THAP8: variants seen among roughly 807,000 people sequenced by gnomAD.
THAP8 encodes the protein THAP domain containing 8, also known as THAP domain-containing protein 8.
A neutral mutation model predicts 25.0 loss-of-function variants in THAP8; 24 were observed. The observed-to-expected ratio is 0.96, with a 90% CI of 0.69 to 1.35. THAP8 has a LOEUF of 1.35. Among genes scored for constraint, THAP8 ranks in the 40% most tolerant of loss-of-function variants. THAP8 has a pLI of 0.00. For missense variants in THAP8, 399 were observed against 368.8 expected, an observed-to-expected ratio of 1.08 and a Z score of -0.67; for synonymous variants, 169 against 157.6, an observed-to-expected ratio of 1.07 and a Z score of -0.54.
chr19:36,039,730 G>A lies in THAP8; in HGVS notation c.277-12C>T, dbSNP rs192898190. The A allele has an allele frequency of 6.6e-7, 1 of 1,507,096 alleles. No individual in the cohort carries two copies. The highest frequency in any genetic ancestry group is 8.9e-7 in the Non-Finnish European group (1 of 1,127,956). The allele number at this position is 1,507,096 out of a possible 1,614,324, so 93.4% of individuals were successfully genotyped here. A position where few individuals can be genotyped will look rare whatever the true frequency, so the allele number is the denominator to read the frequency against. ...GTCCTCCGCTGACTCTGGAAGACAA[G>A]GCATGGGGTGCAGGGGTGCCGTGGT... On this transcript the variant is annotated splice_polypyrimidine_tract_variant and intron_variant, in intron 2 of 3. Transcript: ENST00000292894.
chr19:36,051,216 C>T (rs1046926644), intron 1 of THAP8, among the ~76,000 whole-genome samples: 1 of 152,102 alleles, frequency 6.6e-6, no homozygotes, highest in African/African-American at 2.4e-5. Context: ...GCAAAGTCCC[C>T]AGGGCAGCAA....
chr19:36,053,058 CTCTT>C (rs142066701), intron 1 of THAP8, among the ~76,000 whole-genome samples: 5,246 of 152,046 alleles, frequency 0.035, 223 homozygotes, highest in East Asian at 0.25. Flanking sequence ...TCCCATCTCT[CTCTT>C]TAAAAACAAA....
At chr19:36,051,489 G>A (rs1203850419) in intron 1 of THAP8, among the ~76,000 whole-genome samples, 1 of 152,118 alleles carries the variant, frequency 6.6e-6, no homozygotes, top group Non-Finnish European at 1.5e-5. Flanking sequence ...TGGGGGTGAC[G>A]GTGGGAGCAG....
chr19:36,035,308 T>C lies in THAP8; in HGVS notation c.*132A>G, dbSNP rs749860052. The C allele has an allele frequency of 6.0e-5, 73 of 1,221,586 alleles. No individual in the cohort carries two copies. The highest frequency in any genetic ancestry group is 8.0e-5 in the Non-Finnish European group (71 of 893,038). 75.7% of individuals were successfully genotyped at this position (1,221,586 alleles called of 1,614,324 possible). ...CAAGAGATCCCTAGGAGTGGGGTGG[T>C]AGAACCCAGGCCCTTGAGGGAGGCA... is the stretch of plus-strand genomic sequence containing the variant. On this transcript the variant is annotated 3_prime_UTR_variant, in exon 4 of 4. Transcript: ENST00000292894.
intron 1 of THAP8, chr19:36,045,626 G>A (rs1471533419): frequency 7.2e-6 from 3 of 416,706 alleles, no homozygotes; most frequent in Admixed American, 5.4e-5. Context: ...GAGATGGGGA[G>A]ATTATCCTGG....
intron 3 of THAP8, among the ~76,000 whole-genome samples, chr19:36,037,598 G>C (rs1040841198): frequency 1.3e-5 from 2 of 152,086 alleles, no homozygotes; most frequent in Non-Finnish European, 2.9e-5. Context: ...TTTTTCATCT[G>C]GAAGATAGAG....
intron 1 of THAP8, among the ~76,000 whole-genome samples, chr19:36,047,332 T>C (rs1969911677): frequency 6.6e-6 from 1 of 152,232 alleles, no homozygotes; most frequent in African/African-American, 2.4e-5. Flanking sequence ...TGACCAATGA[T>C]GAAAAGGTGC....
chr19:36,042,590 T>C (rs1473310949), intron 1 of THAP8, among the ~76,000 whole-genome samples: 1 of 152,190 alleles, frequency 6.6e-6, no homozygotes, highest in Non-Finnish European at 1.5e-5. Context: ...ATGATCACAT[T>C]ACTGCACTCT....
intron 1 of THAP8, among the ~76,000 whole-genome samples, chr19:36,045,031 G>C (rs1234116125): frequency 6.6e-6 from 1 of 152,080 alleles, no homozygotes; most frequent in African/African-American, 2.4e-5. Flanking sequence ...GCCCCCAAAA[G>C]CTATCCATGT....
At chr19:36,038,568 G>C (rs1161316366) in intron 3 of THAP8, among the ~76,000 whole-genome samples, 1 of 152,108 alleles carries the variant, frequency 6.6e-6, no homozygotes, top group Non-Finnish European at 1.5e-5. Flanking sequence ...TAACCTTGTA[G>C]CAGTCAGGCA....
chr19:36,039,335 A>C lies in THAP8; in HGVS notation c.660T>G (p.Gly220=). ...GESLLARARR[G]LQRLTTAQTL... ...GGGTGCCACTCACCAGGCGCTGCAG[A>C]CCCCGGCGTGCCCGTGCCAGCAGGC... Residue 220 remains glycine (G), a synonymous_variant, in exon 3 of 4, where the codon GGT becomes GGG. Coordinates refer to ENST00000292894, the MANE Select transcript of THAP8 (RefSeq NM_152658.3). 6.6e-7 allele frequency: 1 copy of C among 1,506,532 alleles called. No homozygotes were observed. The highest frequency in any genetic ancestry group is 8.8e-7 in the Non-Finnish European group (1 of 1,132,210). 93.3% of individuals were successfully genotyped at this position (1,506,532 alleles called of 1,614,324 possible).
chr19:36,039,704 G>A lies in THAP8; in HGVS notation c.291C>T (p.Thr97=). The change falls in exon 3 of 4, where the codon ACC becomes ACT. Residue 97 remains threonine (T), a synonymous_variant. Transcript: ENST00000292894. ...GCGAGACTGGCTTCTGGGTGCTTCGGGTCCTCCGCTGACTCTGGAAGACAA... is the reference window on the plus strand; with the variant it reads ...GCGAGACTGGCTTCTGGGTGCTTCGAGTCCTCCGCTGACTCTGGAAGACAA... ...RGPPAKSQRR[T]RSTQKPVSPP... The A allele has an allele frequency of 6.6e-7, 1 of 1,521,910 alleles. No individual in the cohort carries two copies. Among genetic ancestry groups the A allele is most frequent in the Non-Finnish European group, 8.8e-7 (1 of 1,133,604 alleles). The allele number at this position is 1,521,910 out of a possible 1,614,324, so 94.3% of individuals were successfully genotyped here.
chr19:36,048,841 T>TAAAAAAAA (rs1204599378), intron 1 of THAP8, among the ~76,000 whole-genome samples: 22 of 83,814 alleles, frequency 2.6e-4, no homozygotes, highest in African/African-American at 3.3e-4. Context: ...ACCCCTTCTT[T>TAAAAAAAA]AAAAAAAAAA....
At chr19:36,036,941 A>AG (rs1491420895) in intron 3 of THAP8, among the ~76,000 whole-genome samples, 1 of 22,290 alleles carries the variant, frequency 4.5e-5, no homozygotes, top group Non-Finnish European at 9.4e-5. Context: ...ACTCCTTCTC[A>AG]AAAAAAAAAA....
chr19:36,054,474 C>G, upstream of THAP8: 1 of 586,366 alleles, frequency 1.7e-6, no homozygotes, highest in Non-Finnish European at 3.1e-6. Flanking sequence ...CCCTTCGTCA[C>G]CCCGACTTTC....
chr19:36,047,925 C>T (rs573344994), intron 1 of THAP8, among the ~76,000 whole-genome samples: 1 of 152,200 alleles, frequency 6.6e-6, no homozygotes, highest in African/African-American at 2.4e-5. Flanking sequence ...TCTGTACTTT[C>T]TGTATATGAG....
intron 1 of THAP8, among the ~76,000 whole-genome samples, chr19:36,052,345 T>G (rs1288527770): frequency 6.6e-6 from 1 of 152,182 alleles, no homozygotes; most frequent in Admixed American, 6.5e-5. Context: ...GCCTGGCCAG[T>G]TGCCCGCTTT....
At chr19:36,036,915 T>C (rs1246938799) in intron 3 of THAP8, among the ~76,000 whole-genome samples, 1 of 132,758 alleles carries the variant, frequency 7.5e-6, no homozygotes, top group East Asian at 2.2e-4. Context: ...CACTCCAGCC[T>C]GGGCAACAGA....
chr19:36,053,711 T>A (rs1426466736), intron 1 of THAP8, among the ~76,000 whole-genome samples: 1 of 152,186 alleles, frequency 6.6e-6, no homozygotes, highest in Non-Finnish European at 1.5e-5. Flanking sequence ...TGACATTTTT[T>A]AAACCTAAGC....
Sources: gnomAD v4.1 joint callset for allele counts (sites outside exome capture counted in the v4.1 genomes callset) on GRCh38, gnomAD v4.1.1 for gene constraint, MANE v1.5 for transcripts, NCBI Gene and HGNC (gene_info 2026-07-23, HGNC 2026-07-21) for gene names.